Variants in MALRD1 observed in about 807,000 individuals in gnomAD.
MALRD1 encodes MAM and LDL receptor class A domain containing 1, also known as MAM and LDL-receptor class A domain-containing protein 1.
Under a neutral mutation model 242.1 loss-of-function variants are expected in MALRD1, and 247 were observed. The observed-to-expected ratio is 1.02, with a 90% CI of 0.92 to 1.13. The LOEUF (loss-of-function observed/expected upper bound fraction) is 1.13, where lower values mean the gene tolerates loss of function less well. Ranked by LOEUF, MALRD1 falls within the 50% of genes most tolerant of loss-of-function variation. The pLI, the probability that MALRD1 is intolerant of heterozygous loss-of-function variation, is 0.00. For synonymous variants in MALRD1, 995 were observed against 866.6 expected (o/e 1.15, Z -2.60); for missense variants, 2,989 against 2,533.1 (o/e 1.18, Z -3.86).
At chr10:19,477,503 A>G (rs2131163531) in intron 29 of MALRD1, among the ~76,000 whole-genome samples, 1 of 152,122 alleles carries the variant, frequency 6.6e-6, no homozygotes, top group East Asian at 1.9e-4. Flanking sequence ...ATAATTGTTG[A>G]CTTGCTTGGT....
At position 19,661,486 on chromosome 10, in the gene MALRD1, G is replaced by A. The variant is rs559912367; in HGVS notation, c.6138-30796G>A. ...AAAGATGAGTTCATGTCCTTTGTAG[G>A]GACATGGATGAAGCTGGAAACCATC... On this transcript the variant is annotated intron_variant, in intron 36 of 39. Transcript: ENST00000454679. Among the ~76,000 whole-genome samples, 6 of 152,240 alleles carry A rather than the reference G, an allele frequency of 3.9e-5. No individual in the cohort carries two copies. In the South Asian group the frequency reaches 1.2e-3, roughly 32 times the overall value.
At chr10:19,369,861 CTATT>C (rs1388906597) in intron 26 of MALRD1, among the ~76,000 whole-genome samples, 1 of 151,584 alleles carries the variant, frequency 6.6e-6, no homozygotes, top group African/African-American at 2.4e-5. Flanking sequence ...ATTAAGTGTC[CTATT>C]TATTTTCTTA....
intron 2 of MALRD1, among the ~76,000 whole-genome samples, chr10:19,070,618 G>C (rs758192571): frequency 6.6e-6 from 1 of 151,796 alleles, no homozygotes; most frequent in African/African-American, 2.4e-5. Flanking sequence ...AATTACAATG[G>C]GAGTTTTAAA....
Position 19,456,655 on chromosome 10 carries a change from GTCT to G in MALRD1, c.5029+6170_5029+6172del, listed in dbSNP as rs112826569. 2.6e-3 allele frequency among the ~76,000 whole-genome samples: 396 copies of G among 152,252 alleles called. 3 individuals carry two copies. The highest frequency in any genetic ancestry group is 8.0e-3 in the African/African-American group (332 of 41,554). On this transcript the variant is annotated intron_variant, in intron 29 of 39. Transcript: ENST00000454679. ...GAGTGTTGCATTCAGATCGCTCGCA[GTCT>G]TCTTTTAAAGTAAATGTCAGACAAG... is the stretch of plus-strand genomic sequence containing the variant.
At chr10:19,191,911 T>C (rs1835991667) in intron 14 of MALRD1, among the ~76,000 whole-genome samples, 1 of 152,044 alleles carries the variant, frequency 6.6e-6, no homozygotes, top group Non-Finnish European at 1.5e-5. Context: ...GGCAGGAGAA[T>C]TGCTTGAACC....
intron 36 of MALRD1, among the ~76,000 whole-genome samples, chr10:19,620,583 CTTAAAA>C (rs142823462): frequency 0.11 from 16,684 of 151,770 alleles, 2,375 homozygotes; most frequent in African/African-American, 0.33. Context: ...TTAATTTTGA[CTTAAAA>C]TTAAAGGGAC....
At chr10:19,334,502 C>T (rs1171435688) in intron 24 of MALRD1, among the ~76,000 whole-genome samples, 8 of 151,254 alleles carry the variant, frequency 5.3e-5, no homozygotes, top group Non-Finnish European at 1.0e-4. Flanking sequence ...TACTATAATA[C>T]ATACGTATAT....
intron 29 of MALRD1, among the ~76,000 whole-genome samples, chr10:19,474,578 C>A (rs1836643648): frequency 6.6e-6 from 1 of 152,054 alleles, no homozygotes; most frequent in Non-Finnish European, 1.5e-5. Flanking sequence ...GGTGTCATTA[C>A]AAGGAATAAG....
intron 5 of MALRD1, among the ~76,000 whole-genome samples, chr10:19,115,174 T>C (rs1220417258): frequency 6.6e-6 from 1 of 152,122 alleles, no homozygotes; most frequent in Admixed American, 6.5e-5. Flanking sequence ...TAGGCTTGCT[T>C]ACCCTGCCTC....
intron 31 of MALRD1, among the ~76,000 whole-genome samples, chr10:19,523,585 A>G (rs1295322580): frequency 1.3e-5 from 2 of 152,214 alleles, no homozygotes; most frequent in Non-Finnish European, 2.9e-5. Context: ...TGACAAATAA[A>G]TGACTCATAA....
chr10:19,088,641 T>A (rs1248740126), intron 4 of MALRD1, among the ~76,000 whole-genome samples: 3 of 117,122 alleles, frequency 2.6e-5, no homozygotes, highest in Non-Finnish European at 5.2e-5. Flanking sequence ...ATTGTGCAGG[T>A]TAGTTACATA....
intron 24 of MALRD1, among the ~76,000 whole-genome samples, chr10:19,336,309 A>G (rs1477466409): frequency 6.6e-6 from 1 of 152,190 alleles, no homozygotes; most frequent in African/African-American, 2.4e-5. Flanking sequence ...TAGCTTATTT[A>G]CGGATGAGAC....
chr10:19,247,981 A>G (rs1440745387), intron 18 of MALRD1, among the ~76,000 whole-genome samples: 1 of 152,044 alleles, frequency 6.6e-6, no homozygotes, highest in Non-Finnish European at 1.5e-5. Flanking sequence ...GAAGTGACAT[A>G]CAGAAACAGC....
intron 36 of MALRD1, among the ~76,000 whole-genome samples, chr10:19,647,164 A>G (rs547052371): frequency 6.6e-6 from 1 of 152,208 alleles, no homozygotes; most frequent in African/African-American, 2.4e-5. Context: ...CAAATGTGAC[A>G]TTTCATCAAA....
At chr10:19,410,269 A>T (rs1833221944) in intron 28 of MALRD1, among the ~76,000 whole-genome samples, 1 of 152,176 alleles carries the variant, frequency 6.6e-6, no homozygotes, top group African/African-American at 2.4e-5. Flanking sequence ...TTTAAGCTAG[A>T]TTTAGTATGA....
chr10:19,108,232 C>T (rs916333090), intron 5 of MALRD1, among the ~76,000 whole-genome samples: 4 of 151,914 alleles, frequency 2.6e-5, no homozygotes. Context: ...AAAGACTTGT[C>T]TTCAAGTTCA....
At chr10:19,446,606 G>T (rs1057141213) in intron 28 of MALRD1, among the ~76,000 whole-genome samples, 2 of 152,126 alleles carry the variant, frequency 1.3e-5, no homozygotes, top group African/African-American at 2.4e-5. Flanking sequence ...ATAAAGGAAA[G>T]ACTGGCATAA....
At chr10:19,600,581 A>G (rs1838298112) in intron 34 of MALRD1, among the ~76,000 whole-genome samples, 1 of 152,204 alleles carries the variant, frequency 6.6e-6, no homozygotes, top group South Asian at 2.1e-4. Context: ...GCCCAAGACC[A>G]TAGTTTCTCT....
intron 12 of MALRD1, among the ~76,000 whole-genome samples, chr10:19,155,539 T>C (rs181812796): frequency 1.4e-4 from 22 of 152,352 alleles, no homozygotes; most frequent in Admixed American, 1.2e-3. Flanking sequence ...GAAATGATTA[T>C]ATTTACTGAA....
Sources: gnomAD v4.1 joint callset for allele counts (sites outside exome capture counted in the v4.1 genomes callset) on GRCh38, gnomAD v4.1.1 for gene constraint, MANE v1.5 for transcripts, NCBI Gene and HGNC (gene_info 2026-07-23, HGNC 2026-07-21) for gene names.